The following SYT1 variants were observed in gnomAD, a reference collection of about 807,000 sequenced individuals.
The protein encoded by SYT1 is synaptotagmin-1.
A neutral mutation model predicts 44.8 loss-of-function variants in SYT1; 8 were observed. That is an observed-to-expected ratio of 0.18 (90% CI 0.10 to 0.32). The LOEUF (loss-of-function observed/expected upper bound fraction) is 0.32. Among genes scored for constraint, SYT1 ranks in the 10% least tolerant of loss-of-function variants. SYT1 has a pLI of 1.00. For synonymous variants in SYT1, 154 were observed against 188.8 expected (o/e 0.82, Z 1.51); for missense variants, 286 against 509.3 (o/e 0.56, Z 4.22).
chr12:79,102,107 T>G (rs1878478653), intron 3 of SYT1, among the ~76,000 whole-genome samples: 1 of 152,166 alleles, frequency 6.6e-6, no homozygotes, highest in African/African-American at 2.4e-5. Context: ...TGGTCTTTGA[T>G]CATAATATAT....
At chr12:78,918,572 T>C (rs945884029) in intron 1 of SYT1, among the ~76,000 whole-genome samples, 1 of 152,014 alleles carries the variant, frequency 6.6e-6, no homozygotes, top group African/African-American at 2.4e-5. Context: ...GAACTGCCAA[T>C]ACTGACAGCG....
chr12:78,907,250 T>C (rs939965661), intron 1 of SYT1, among the ~76,000 whole-genome samples: 3 of 152,060 alleles, frequency 2.0e-5, no homozygotes, highest in Admixed American at 2.0e-4. Context: ...ATCTTAAGTA[T>C]TCATTTATTC....
intron 2 of SYT1, among the ~76,000 whole-genome samples, chr12:79,035,209 A>G (rs1387092617): frequency 4.6e-5 from 7 of 151,732 alleles, no homozygotes; most frequent in Non-Finnish European, 1.0e-4. Context: ...GGGTTTGAAT[A>G]TGGAGCAAAC....
At chr12:79,163,974 G>A (rs1296375629) in intron 3 of SYT1, among the ~76,000 whole-genome samples, 1 of 151,886 alleles carries the variant, frequency 6.6e-6, no homozygotes, top group Non-Finnish European at 1.5e-5. Context: ...AAAGAATTCT[G>A]GGCTGTGCCA....
At chr12:79,204,591 A>G (rs185869090) in intron 3 of SYT1, among the ~76,000 whole-genome samples, 98 of 152,356 alleles carry the variant, frequency 6.4e-4, no homozygotes, top group Admixed American at 2.2e-3. Context: ...AGCATCTAGT[A>G]CCATCTTACT....
At chr12:78,997,109 A>G (rs914793040) in intron 2 of SYT1, among the ~76,000 whole-genome samples, 2 of 152,226 alleles carry the variant, frequency 1.3e-5, no homozygotes, top group East Asian at 1.9e-4. Flanking sequence ...ATATGCCTCT[A>G]TATCTCTCAG....
intron 4 of SYT1, among the ~76,000 whole-genome samples, chr12:79,247,591 T>G (rs746107015): frequency 6.6e-6 from 1 of 152,152 alleles, no homozygotes; most frequent in Non-Finnish European, 1.5e-5. Context: ...ATTCCCTTAA[T>G]ACATGGTAGA....
At chr12:79,038,851 C>T (rs921668124) in intron 2 of SYT1, among the ~76,000 whole-genome samples, 2 of 151,820 alleles carry the variant, frequency 1.3e-5, no homozygotes, top group Non-Finnish European at 1.5e-5. Flanking sequence ...ACTATGCTAC[C>T]GAAGCCTCAA....
At position 78,875,309 on chromosome 12, in the gene SYT1, G is replaced by A. The variant is rs1283418579; in HGVS notation, c.-217+10200G>A. On this transcript the variant is annotated intron_variant, in intron 1 of 10. Transcript: ENST00000261205. ...ATACAGAAATAAAAATAGTAGACAGGTTTCCTGCATGTAGGAGCTTACATT... is the reference window on the plus strand; with the variant it reads ...ATACAGAAATAAAAATAGTAGACAGATTTCCTGCATGTAGGAGCTTACATT... 4.0e-5 allele frequency among the ~76,000 whole-genome samples: 6 copies of A among 151,652 alleles called. No homozygotes were observed. The East Asian group carries it at 1.2e-3, about 29-fold the overall frequency.
At chr12:79,310,947 CAT>C (rs1348481463) in intron 8 of SYT1, among the ~76,000 whole-genome samples, 3 of 152,328 alleles carry the variant, frequency 2.0e-5, no homozygotes, top group African/African-American at 7.2e-5. Flanking sequence ...GATATACAAT[CAT>C]GTCATCTGCA....
At chr12:79,109,599 G>A (rs370675197) in intron 3 of SYT1, among the ~76,000 whole-genome samples, 6 of 152,130 alleles carry the variant, frequency 3.9e-5, no homozygotes, top group African/African-American at 7.2e-5. Context: ...ATATGTGAAC[G>A]CACCCTGAAT....
chr12:79,011,654 T>C (rs566365562), intron 2 of SYT1, among the ~76,000 whole-genome samples: 140 of 143,148 alleles, frequency 9.8e-4, no homozygotes, highest in African/African-American at 3.5e-3. Context: ...TTCCAGAGAT[T>C]TGTAAAAAAA....
intron 2 of SYT1, among the ~76,000 whole-genome samples, chr12:79,045,200 G>C (rs1005401786): frequency 6.6e-6 from 1 of 152,252 alleles, no homozygotes; most frequent in African/African-American, 2.4e-5. Flanking sequence ...CCGGGCAATG[G>C]CGGGCGCCCC....
intron 4 of SYT1, among the ~76,000 whole-genome samples, chr12:79,231,083 T>A (rs1189535729): frequency 1.3e-5 from 2 of 152,190 alleles, no homozygotes; most frequent in African/African-American, 4.8e-5. Context: ...TCCTCACTCA[T>A]GACTATGTAG....
chr12:79,321,420 T>G (rs1405312550), intron 8 of SYT1, among the ~76,000 whole-genome samples: 3 of 152,230 alleles, frequency 2.0e-5, no homozygotes, highest in South Asian at 4.1e-4. Context: ...GACTTTTCCT[T>G]TTTTAACAAA....
intron 1 of SYT1, among the ~76,000 whole-genome samples, chr12:78,940,496 C>A (rs886573883): frequency 6.6e-6 from 1 of 152,102 alleles, no homozygotes; most frequent in Admixed American, 6.6e-5. Context: ...CTCAAGTGAT[C>A]CTCCTGCCTC....
chr12:78,921,664 A>G (rs1454752053), intron 1 of SYT1, among the ~76,000 whole-genome samples: 1 of 151,984 alleles, frequency 6.6e-6, no homozygotes, highest in Non-Finnish European at 1.5e-5. Flanking sequence ...TCCCATTGGT[A>G]TGCTGCCTTG....
intron 2 of SYT1, among the ~76,000 whole-genome samples, chr12:79,014,866 G>A (rs1354266146): frequency 1.3e-5 from 2 of 151,792 alleles, no homozygotes; most frequent in Non-Finnish European, 2.9e-5. Flanking sequence ...ATACACCATG[G>A]AATACTATGC....
intron 8 of SYT1, among the ~76,000 whole-genome samples, chr12:79,314,984 A>T (rs551061073): frequency 5.9e-5 from 9 of 152,306 alleles, no homozygotes; most frequent in Admixed American, 5.2e-4. Context: ...GGGTAAGGTT[A>T]GGGTAGGAAA....
Sources: gnomAD v4.1 joint callset for allele counts (sites outside exome capture counted in the v4.1 genomes callset) on GRCh38, gnomAD v4.1.1 for gene constraint, MANE v1.5 for transcripts, NCBI Gene and HGNC (gene_info 2026-07-23, HGNC 2026-07-21) for gene names.